The following CNTNAP2 variants were observed in gnomAD, a reference collection of about 807,000 sequenced individuals.
CNTNAP2 encodes the protein contactin associated protein 2.
CNTNAP2 carries 98 observed loss-of-function variants against 155.2 expected under a neutral mutation model. The ratio of observed to expected loss-of-function variants is 0.63; its 90% confidence interval spans 0.54 to 0.75. The LOEUF is 0.75. Ranked by LOEUF, CNTNAP2 falls within the 30% of genes least tolerant of loss-of-function variation. The pLI is 0.00. For missense variants in CNTNAP2, 1,727 were observed against 1,688.1 expected (o/e 1.02, Z -0.40); for synonymous variants, 651 against 631.2 (o/e 1.03, Z -0.47).
intron 9 of CNTNAP2, among the ~76,000 whole-genome samples, chr7:147,390,087 G>T (rs1405620498): frequency 2.6e-5 from 4 of 152,096 alleles, no homozygotes; most frequent in Admixed American, 1.3e-4. Context: ...TGTTCATAAA[G>T]AGAACAAACA....
chr7:146,859,659 C>CAA (rs541299849), intron 3 of CNTNAP2, among the ~76,000 whole-genome samples: 1 of 140,796 alleles, frequency 7.1e-6, no homozygotes, highest in African/African-American at 2.5e-5. Flanking sequence ...AATTCCGTCT[C>CAA]AAAAAAAAAA....
At chr7:147,755,053 A>G (rs1035157523) in intron 13 of CNTNAP2, among the ~76,000 whole-genome samples, 1 of 152,216 alleles carries the variant, frequency 6.6e-6, no homozygotes, top group Non-Finnish European at 1.5e-5. Flanking sequence ...TCAAGGTTGT[A>G]AACTCTAAAT....
chr7:147,616,283 C>T (rs1345754687), intron 12 of CNTNAP2, among the ~76,000 whole-genome samples: 1 of 152,200 alleles, frequency 6.6e-6, no homozygotes, highest in East Asian at 1.9e-4. Flanking sequence ...TGCTTCCACT[C>T]TTGCCCTGCT....
At chr7:147,005,649 C>T (rs530339365) in intron 3 of CNTNAP2, among the ~76,000 whole-genome samples, 74 of 152,052 alleles carry the variant, frequency 4.9e-4, no homozygotes, top group African/African-American at 1.8e-3. Context: ...GTATGGTAAT[C>T]CATGATAAAT....
intron 8 of CNTNAP2, among the ~76,000 whole-genome samples, chr7:147,158,471 A>G (rs145945637): frequency 1.6e-3 from 244 of 152,202 alleles, no homozygotes; most frequent in African/African-American, 5.7e-3. Context: ...TATCGACTGT[A>G]TTTGTGAAAA....
intron 20 of CNTNAP2, among the ~76,000 whole-genome samples, chr7:148,252,927 T>G (rs1220067907): frequency 1.3e-5 from 2 of 151,934 alleles, no homozygotes; most frequent in African/African-American, 4.8e-5. Context: ...TGACCCCCTT[T>G]AAAGGAGTTG....
intron 13 of CNTNAP2, among the ~76,000 whole-genome samples, chr7:147,825,892 G>C (rs967128069): frequency 6.6e-6 from 1 of 152,122 alleles, no homozygotes; most frequent in African/African-American, 2.4e-5. Flanking sequence ...TAGAAGGTGG[G>C]ATGTAAAATA....
chr7:146,227,601 G>A (rs1799317289), intron 1 of CNTNAP2, among the ~76,000 whole-genome samples: 1 of 152,110 alleles, frequency 6.6e-6, no homozygotes, highest in Admixed American at 6.6e-5. Flanking sequence ...AACATTGAGT[G>A]TATCTAAAAG....
chr7:147,277,404 C>G (rs1804921070), intron 8 of CNTNAP2, among the ~76,000 whole-genome samples: 1 of 151,756 alleles, frequency 6.6e-6, no homozygotes, highest in African/African-American at 2.4e-5. Context: ...ACAGAAGAAC[C>G]ATAGCATTAC....
intron 3 of CNTNAP2, among the ~76,000 whole-genome samples, chr7:146,878,132 C>T (rs915206182): frequency 2.0e-5 from 3 of 152,094 alleles, no homozygotes; most frequent in Non-Finnish European, 4.4e-5. Flanking sequence ...ACTGTTAATG[C>T]AACCACTTCA....
Position 147,466,271 on chromosome 7 carries a change from A to G in CNTNAP2, c.1671-19664A>G, listed in dbSNP as rs115042806. On this transcript the variant is annotated intron_variant, in intron 10 of 23. Coordinates refer to ENST00000361727, the MANE Select transcript of CNTNAP2 (RefSeq NM_014141.6). ...CTCTCTCTACAGCATTCCTTCTTTC[A>G]GGGTATGGAAGGACCCTCTCTGGAA... Among the ~76,000 whole-genome samples the G allele has an allele frequency of 8.0e-3, 1,225 of 152,356 alleles. 18 individuals carry two copies. Among genetic ancestry groups the G allele is most frequent in the African/African-American group, 0.027 (1,140 of 41,584 alleles).
intron 1 of CNTNAP2, among the ~76,000 whole-genome samples, 185 bp from the exon 2 acceptor site, chr7:146,774,086 T>C (rs1487683528): frequency 6.6e-6 from 1 of 152,246 alleles, no homozygotes; most frequent in African/African-American, 2.4e-5. Flanking sequence ...ATCAGGGTTA[T>C]ATAAACAGCT....
At chr7:146,892,522 G>C (rs1306105414) in intron 3 of CNTNAP2, among the ~76,000 whole-genome samples, 17 of 152,158 alleles carry the variant, frequency 1.1e-4, no homozygotes, top group Non-Finnish European at 2.9e-5. Flanking sequence ...CAAGAGATAA[G>C]AGACAAGGAA....
intron 3 of CNTNAP2, among the ~76,000 whole-genome samples, chr7:146,856,275 TAGATAGATA>T (rs1176282090): frequency 1.4e-5 from 1 of 70,212 alleles, no homozygotes; most frequent in Non-Finnish European, 3.0e-5. Flanking sequence ...GATAGATAGA[TAGATAGATA>T]GATAGATAGA....
intron 9 of CNTNAP2, among the ~76,000 whole-genome samples, chr7:147,334,953 C>T (rs1187328041): frequency 6.6e-6 from 1 of 152,130 alleles, no homozygotes; most frequent in Non-Finnish European, 1.5e-5. Context: ...ATTTTATTTT[C>T]ACAATAATCT....
At chr7:147,598,971 G>A (rs981439778) in intron 12 of CNTNAP2, among the ~76,000 whole-genome samples, 1 of 152,128 alleles carries the variant, frequency 6.6e-6, no homozygotes, top group South Asian at 2.1e-4. Flanking sequence ...GCTGAACTGT[G>A]AGTCAGTTAA....
chr7:147,676,971 G>C (rs559815233), intron 13 of CNTNAP2, among the ~76,000 whole-genome samples: 1 of 151,916 alleles, frequency 6.6e-6, no homozygotes, highest in Admixed American at 6.6e-5. Flanking sequence ...TGCAGCGAAC[G>C]TGAGAATGTA....
At chr7:146,851,648 T>TTGTGTGTG (rs1481597976) in intron 3 of CNTNAP2, among the ~76,000 whole-genome samples, 1 of 133,912 alleles carries the variant, frequency 7.5e-6, no homozygotes, top group East Asian at 2.4e-4. Context: ...ATCATCTTTC[T>TTGTGTGTG]TCTGTGTGTG....
intron 17 of CNTNAP2, among the ~76,000 whole-genome samples, chr7:148,165,204 CT>C (rs1383264324): frequency 2.0e-5 from 3 of 152,204 alleles, no homozygotes; most frequent in African/African-American, 7.2e-5. Context: ...TTTCAGACTG[CT>C]GTCTTCTTGC....
Sources: gnomAD v4.1 joint callset for allele counts (sites outside exome capture counted in the v4.1 genomes callset) on GRCh38, gnomAD v4.1.1 for gene constraint, MANE v1.5 for transcripts, NCBI Gene and HGNC (gene_info 2026-07-23, HGNC 2026-07-21) for gene names.